The following ACYP2 variants were observed in gnomAD, a reference collection of about 807,000 sequenced individuals.
ACYP2 encodes the protein acylphosphatase 2, also known as acylphosphatase-2.
A neutral mutation model predicts 11.2 loss-of-function variants in ACYP2; 12 were observed. The ratio of observed to expected loss-of-function variants is 1.08; its 90% CI spans 0.69 to 1.74. The LOEUF (loss-of-function observed/expected upper bound fraction) is 1.74. Among genes scored for constraint, ACYP2 ranks in the 40% most tolerant of loss-of-function variants. ACYP2 has a pLI of 0.00. For synonymous variants in ACYP2, 43 were observed against 32.2 expected (o/e 1.33, Z -1.13); for missense variants, 134 against 101.9 (o/e 1.31, Z -1.35).
At chr2:54,282,014 C>G (rs1173150286) in intron 6 of ACYP2, among the ~76,000 whole-genome samples, 1 of 152,126 alleles carries the variant, frequency 6.6e-6, no homozygotes, top group Non-Finnish European at 1.5e-5. Flanking sequence ...TGTTCTTCCA[C>G]AAAGGAGCCA....
chr2:54,164,148 T>G (rs1168187347), intron 6 of ACYP2, among the ~76,000 whole-genome samples: 1 of 152,094 alleles, frequency 6.6e-6, no homozygotes, highest in Non-Finnish European at 1.5e-5. Context: ...GTATAGAACT[T>G]AGACATTCAG....
chr2:54,260,557 G>C (rs1476408506), intron 6 of ACYP2, among the ~76,000 whole-genome samples: 2 of 152,170 alleles, frequency 1.3e-5, no homozygotes, highest in South Asian at 2.1e-4. Context: ...GAGGACGGAA[G>C]ACATACAGGA....
intron 2 of ACYP2, among the ~76,000 whole-genome samples, chr2:54,014,731 A>T (rs921913559): frequency 2.0e-4 from 31 of 151,702 alleles, no homozygotes; most frequent in South Asian, 1.0e-3. Context: ...TGTAAAAAAA[A>T]AATTTTTTTT....
intron 4 of ACYP2, among the ~76,000 whole-genome samples, chr2:54,123,911 G>A (rs1183569562): frequency 6.6e-6 from 1 of 152,134 alleles, no homozygotes; most frequent in Non-Finnish European, 1.5e-5. Flanking sequence ...AAGGAAGTCT[G>A]GGAAACATCA....
intron 6 of ACYP2, among the ~76,000 whole-genome samples, chr2:54,240,279 G>A (rs1686676938): frequency 6.6e-6 from 1 of 152,064 alleles, no homozygotes; most frequent in Non-Finnish European, 1.5e-5. Context: ...CCCTAAGAAG[G>A]GAATAATGAA....
At chr2:54,102,000 T>C (rs780937680) in intron 4 of ACYP2, among the ~76,000 whole-genome samples, 2 of 152,230 alleles carry the variant, frequency 1.3e-5, no homozygotes, top group African/African-American at 2.4e-5. Flanking sequence ...GTTTTGACTA[T>C]GTGTAATGTC....
intron 2 of ACYP2, among the ~76,000 whole-genome samples, chr2:54,032,642 G>GT (rs1362252841): frequency 6.6e-6 from 1 of 152,152 alleles, no homozygotes; most frequent in African/African-American, 2.4e-5. Flanking sequence ...CTTTAAAGTA[G>GT]TTTTTTCCAA....
At chr2:54,217,974 CA>C (rs1229796058) in intron 6 of ACYP2, among the ~76,000 whole-genome samples, 1 of 152,162 alleles carries the variant, frequency 6.6e-6, no homozygotes, top group Non-Finnish European at 1.5e-5. Context: ...ATATTGCTAC[CA>C]TTATGCTACT....
intron 2 of ACYP2, among the ~76,000 whole-genome samples, chr2:53,988,700 A>G (rs1369324982): frequency 1.3e-5 from 2 of 151,844 alleles, no homozygotes; most frequent in Non-Finnish European, 2.9e-5. Context: ...TGCTGGGATT[A>G]CAGGTGTAAG....
chr2:54,096,392 A>G (rs1392142054), intron 4 of ACYP2, among the ~76,000 whole-genome samples: 3 of 143,706 alleles, frequency 2.1e-5, no homozygotes, highest in South Asian at 2.4e-4. Context: ...CAGACGATGG[A>G]TGGCCAGGCA....
At chr2:54,212,064 A>G (rs1327661906) in intron 6 of ACYP2, among the ~76,000 whole-genome samples, 2 of 152,230 alleles carry the variant, frequency 1.3e-5, no homozygotes, top group Non-Finnish European at 2.9e-5. Context: ...TAAACAAATG[A>G]AGAATGAATG....
chr2:54,046,758 A>G (rs1007156163), intron 2 of ACYP2, among the ~76,000 whole-genome samples: 3 of 152,092 alleles, frequency 2.0e-5, no homozygotes, highest in African/African-American at 7.2e-5. Context: ...ATGCCTCACT[A>G]TTACCATCTT....
rs1198255133 is a variant in ACYP2 at position 54,180,222 on chromosome 2, A to G, written c.404+41474A>G. Among the ~76,000 whole-genome samples, 4 of 152,250 alleles carry G rather than the reference A, an allele frequency of 2.6e-5. No homozygotes were observed. In the East Asian group the frequency reaches 7.7e-4, roughly 29 times the overall value. ...GTGCTTAGCTATCTGGAAGTTCTCC[A>G]AACCCTGTTTATTTATTTCTATTTT... On this transcript the variant is annotated intron_variant, in intron 6 of 6. Transcript: ENST00000607452.
At position 54,224,697 on chromosome 2, in the gene ACYP2, G is replaced by A. The variant is rs370450042; in HGVS notation, c.405-79991G>A. On this transcript the variant is annotated intron_variant, in intron 6 of 6. Transcript: ENST00000607452. ...TTTAAACTTTCTTCGCCTTGGAGGT[G>A]GGGTTTCACCGGGTACCAGCCCGTC... Among the ~76,000 whole-genome samples, 53 of 127,556 alleles carry A rather than the reference G, an allele frequency of 4.2e-4. No individual in the cohort carries two copies. In the South Asian group the frequency reaches 0.015, roughly 36 times the overall value. 83.7% of individuals were successfully genotyped at this position (127,556 alleles called of 152,430 possible). A position where few individuals can be genotyped will look rare whatever the true frequency, so the allele number is the denominator to read the frequency against.
At chr2:54,196,983 C>T (rs1280391667) in intron 6 of ACYP2, among the ~76,000 whole-genome samples, 1 of 152,206 alleles carries the variant, frequency 6.6e-6, no homozygotes, top group Non-Finnish European at 1.5e-5. Flanking sequence ...CTCATTTAAT[C>T]CTCATAGCAC....
At chr2:54,101,727 CTTCT>C (rs949335659) in intron 4 of ACYP2, among the ~76,000 whole-genome samples, 11 of 150,432 alleles carry the variant, frequency 7.3e-5, no homozygotes, top group Non-Finnish European at 1.0e-4. Flanking sequence ...TCTTTCCTTC[CTTCT>C]TTCTTTCTTT....
chr2:54,052,374 T>C (rs114753691), intron 3 of ACYP2, among the ~76,000 whole-genome samples: 3,122 of 152,036 alleles, frequency 0.021, 90 homozygotes, highest in African/African-American at 0.067. Context: ...ATTGAAAATG[T>C]GGCTAAAACT....
rs1227156090 is a variant in ACYP2, at chr2:54,276,650, CA to C, written c.405-28037del. 2.0e-5 allele frequency among the ~76,000 whole-genome samples: 3 copies of C among 146,376 alleles called. 1 individual carries two copies. The highest frequency in any genetic ancestry group is 8.1e-5 in the African/African-American group (3 of 36,998). ...ACACACACACACACACACACACACA[CA>C]CACACACACACCACACACAAGAAAA... On this transcript the variant is annotated intron_variant, in intron 6 of 6. Transcript: ENST00000607452.
At chr2:53,997,514 C>A (rs1672628694) in intron 2 of ACYP2, among the ~76,000 whole-genome samples, 1 of 151,396 alleles carries the variant, frequency 6.6e-6, no homozygotes, top group Non-Finnish European at 1.5e-5. Context: ...CCATGTTGGT[C>A]AGGCTGATCT....
Sources: allele counts gnomAD v4.1 joint callset (sites outside exome capture counted in the v4.1 genomes callset), GRCh38; gene constraint gnomAD v4.1.1; transcripts MANE v1.5; gene names NCBI Gene and HGNC (gene_info 2026-07-23, HGNC 2026-07-21).